Variants in DISP1 observed in about 807,000 individuals in gnomAD.
The protein encoded by DISP1 is protein dispatched homolog 1.
DISP1 carries 30 observed loss-of-function variants against 37.3 expected under a neutral mutation model. The observed-to-expected ratio is 0.80, with a 90% CI of 0.60 to 1.09. DISP1 has a LOEUF of 1.09. Among genes scored for constraint, DISP1 ranks in the 50% least tolerant of loss-of-function variants. The probability of loss-of-function intolerance (pLI) is 0.00; values close to 1 mark genes in which losing one functional copy is unlikely to be tolerated. For missense variants in DISP1, 1,598 were observed against 1,879.5 expected (o/e 0.85, Z 2.77); for synonymous variants, 634 against 690.2 (o/e 0.92, Z 1.28).
chr1:223,005,422 T>C lies in DISP1; in HGVS notation c.4025T>C (p.Val1342Ala), dbSNP rs199726209. Residue 1342 changes from valine (V) to alanine (A), a missense_variant, in exon 9 of 9, where the codon GTA (valine) becomes GCA (alanine). Physicochemically the swap from Val to Ala is moderately conservative, Grantham distance 64. Transcript: ENST00000675850. ...IHHCPCLQGRVKPAGMQNSLP... is the reference protein window; with the variant it reads ...IHHCPCLQGRAKPAGMQNSLP... ...CACTGTCCCTGCCTGCAGGGCAGAGTAAAGCCAGCCGGAATGCAGAATTCT... is the reference window on the plus strand; with the variant it reads ...CACTGTCCCTGCCTGCAGGGCAGAGCAAAGCCAGCCGGAATGCAGAATTCT... 2 of 1,613,066 alleles carry C rather than the reference T, an allele frequency of 1.2e-6. No individual in the cohort carries two copies. Among genetic ancestry groups the C allele is most frequent in the African/African-American group, 2.7e-5 (2 of 74,854 alleles).
chr1:222,935,445 A>G (rs1673660253), intron 2 of DISP1, among the ~76,000 whole-genome samples: 1 of 152,114 alleles, frequency 6.6e-6, no homozygotes. Flanking sequence ...TAGCTTCACC[A>G]TTTGTCATCA....
At position 222,971,637 on chromosome 1, in the gene DISP1, G is replaced by A. The variant is rs75628043; in HGVS notation, c.510-11443G>A. On this transcript the variant is annotated intron_variant, in intron 3 of 8. Coordinates refer to ENST00000675850, the MANE Select transcript of DISP1 (RefSeq NM_001377229.1). ...CAAATGTTGGAGGAAAAGAGAATCC[G>A]CACATTGATGAATTATGATTGTATT... is the stretch of plus-strand genomic sequence containing the variant. Among the ~76,000 whole-genome samples, 771 of 152,116 alleles carry A rather than the reference G, an allele frequency of 5.1e-3. 4 individuals are homozygous for A. Among genetic ancestry groups the A allele is most frequent in the African/African-American group, 0.017 (701 of 41,520 alleles).
intron 1 of DISP1, among the ~76,000 whole-genome samples, chr1:222,902,438 G>A (rs1271685258): frequency 2.6e-5 from 4 of 152,150 alleles, no homozygotes; most frequent in African/African-American, 9.7e-5. Context: ...GGCAACAAAA[G>A]CCAACATTGA....
chr1:222,957,702 C>A (rs1675714232), intron 3 of DISP1, among the ~76,000 whole-genome samples: 1 of 152,176 alleles, frequency 6.6e-6, no homozygotes, highest in Non-Finnish European at 1.5e-5. Context: ...TGGGACTCAT[C>A]TTAAGAAGAA....
intron 4 of DISP1, among the ~76,000 whole-genome samples, chr1:222,984,431 T>TAG (rs1678098735): frequency 8.9e-6 from 1 of 112,724 alleles, no homozygotes; most frequent in African/African-American, 3.8e-5. Context: ...AATATATATA[T>TAG]ATATAGAGAG....
rs763540751 is a variant in DISP1 at position 223,004,409 on chromosome 1, G to C, written c.3012G>C (p.Trp1004Cys). 1 of 1,614,200 alleles carries C rather than the reference G, an allele frequency of 6.2e-7. No homozygotes were observed. The highest frequency in any genetic ancestry group is 8.5e-7 in the Non-Finnish European group (1 of 1,180,040). ...TTAGCGTGATGCTGCTGACAACTTG[G>C]AACATCATCATAAGCCTTTATGCCA... ...VAFSVMLLTTWNIIISLYAII... is the reference protein window; with the variant it reads ...VAFSVMLLTTCNIIISLYAII... Residue 1004 changes from tryptophan (W) to cysteine (C), a missense_variant, in exon 9 of 9, where the codon TGG becomes TGC. By Grantham distance (215) the Trp-to-Cys change is radical. Transcript: ENST00000675850. The surrounding 1 kb of genome is among the most constrained non-coding windows in gnomAD (Gnocchi z 4.9).
rs117112220 is a variant in DISP1, at chr1:222,945,258, G to A, written c.509+1926G>A. 4.1e-3 allele frequency among the ~76,000 whole-genome samples: 613 copies of A among 151,356 alleles called. 12 individuals carry two copies. The highest frequency in any genetic ancestry group is 0.018 in the East Asian group (90 of 5,010). ...TGGCTTTGAGAGTCGTTTAATTATA[G>A]GCTATGATAAGAAGTTCACCACATT... On this transcript the variant is annotated intron_variant, in intron 3 of 8. Coordinates refer to ENST00000675850, the MANE Select transcript of DISP1 (RefSeq NM_001377229.1).
intron 8 of DISP1, 26 bp downstream of exon 8, chr1:222,995,008 C>T: frequency 6.5e-7 from 1 of 1,545,378 alleles, no homozygotes; most frequent in Non-Finnish European, 8.9e-7. Context: ...ACTAAAATCT[C>T]CTTAGCACAA....
chr1:222,950,704 T>C (rs921092900), intron 3 of DISP1, among the ~76,000 whole-genome samples: 9 of 152,114 alleles, frequency 5.9e-5, no homozygotes, highest in Non-Finnish European at 1.3e-4. Context: ...CATTTGATGA[T>C]CTGTTCTTTA....
At chr1:222,977,534 C>CTTTTTTTTTT (rs35860006) in intron 3 of DISP1, among the ~76,000 whole-genome samples, 2 of 132,348 alleles carry the variant, frequency 1.5e-5, no homozygotes, top group Non-Finnish European at 1.6e-5. Flanking sequence ...TTTTTAAATT[C>CTTTTTTTTTT]TTTTTTTTTT....
intron 4 of DISP1, chr1:222,989,655 A>T: frequency 5.6e-6 from 4 of 718,408 alleles, no homozygotes; most frequent in South Asian, 6.3e-5. Flanking sequence ...TACAAGCATC[A>T]GATGTTTGTT....
chr1:222,866,499 C>T (rs1039964066), intron 1 of DISP1, among the ~76,000 whole-genome samples: 1 of 151,994 alleles, frequency 6.6e-6, no homozygotes, highest in Non-Finnish European at 1.5e-5. Flanking sequence ...TGCGTGCCAC[C>T]ACGCCTAGCT....
intron 3 of DISP1, among the ~76,000 whole-genome samples, chr1:222,951,993 A>G (rs1326227377): frequency 6.6e-6 from 1 of 152,202 alleles, no homozygotes; most frequent in Admixed American, 6.5e-5. Context: ...AGTAAAAGAG[A>G]ACTAGACTAT....
At chr1:222,974,263 A>G (rs556520890) in intron 3 of DISP1, among the ~76,000 whole-genome samples, 1 of 152,280 alleles carries the variant, frequency 6.6e-6, no homozygotes, top group African/African-American at 2.4e-5. Context: ...AGCTCATTTT[A>G]AAGTATTGTC....
intron 2 of DISP1, among the ~76,000 whole-genome samples, chr1:222,934,995 C>T (rs887474544): frequency 6.6e-6 from 1 of 152,118 alleles, no homozygotes; most frequent in Non-Finnish European, 1.5e-5. Flanking sequence ...TTTCTTCATT[C>T]TGCTTTAATT....
At chr1:222,955,343 C>T (rs2789934) in intron 3 of DISP1, among the ~76,000 whole-genome samples, 51,503 of 151,944 alleles carry the variant, frequency 0.34, 9,110 homozygotes, top group African/African-American at 0.41. Flanking sequence ...CCTCGACCTC[C>T]CAAATTGTTG....
At chr1:222,966,648 C>T (rs1250267454) in intron 3 of DISP1, among the ~76,000 whole-genome samples, 2 of 152,146 alleles carry the variant, frequency 1.3e-5, no homozygotes, top group African/African-American at 4.8e-5. Context: ...TGTTGATTGC[C>T]TCTGGGGACA....
chr1:222,852,603 A>G (rs1235298827), intron 1 of DISP1, among the ~76,000 whole-genome samples: 1 of 152,232 alleles, frequency 6.6e-6, no homozygotes, highest in African/African-American at 2.4e-5. Context: ...ATAACCCAGT[A>G]AGTCATTCTT....
rs550546993 is a variant in DISP1, at chr1:222,963,356, C to T, written c.510-19724C>T. 5.3e-5 allele frequency among the ~76,000 whole-genome samples: 8 copies of T among 152,306 alleles called. No individual in the cohort carries two copies. In the South Asian group the frequency reaches 8.3e-4, roughly 16 times the overall value. ...AAATTAGTTCAACCATTGTGGAAGA[C>T]GGTATGGCGATTCCTCAAGGATCTA... On this transcript the variant is annotated intron_variant, in intron 3 of 8. Transcript: ENST00000675850.
Sources: gnomAD v4.1 joint callset for allele counts (sites outside exome capture counted in the v4.1 genomes callset) on GRCh38, gnomAD v4.1.1 for gene constraint, Gnocchi (gnomAD v3.1) non-coding constraint, MANE v1.5 for transcripts, NCBI Gene and HGNC (gene_info 2026-07-23, HGNC 2026-07-21) for gene names.